SPECC1: variants seen among roughly 807,000 people sequenced by gnomAD.
SPECC1 encodes the protein sperm antigen with calponin homology and coiled-coil domains 1.
SPECC1 carries 62 observed loss-of-function variants against 104.1 expected under a neutral mutation model. That is an observed-to-expected ratio of 0.60 (90% CI 0.49 to 0.74). SPECC1 has a LOEUF of 0.74. Ranked by LOEUF, SPECC1 falls within the 30% of genes least tolerant of loss-of-function variation. The probability of loss-of-function intolerance (pLI) is 0.00; values close to 1 mark genes in which losing one functional copy is unlikely to be tolerated. For synonymous variants in SPECC1, 513 were observed against 501.6 expected, an observed-to-expected ratio of 1.02 and a Z score of -0.30; for missense variants, 1,306 against 1,310.5, an observed-to-expected ratio of 1.00 and a Z score of 0.05.
intron 1 of SPECC1, among the ~76,000 whole-genome samples, chr17:20,068,283 A>C (rs185543059): frequency 6.6e-6 from 1 of 152,310 alleles, no homozygotes; most frequent in Admixed American, 6.5e-5. Context: ...TTTGTTCAAC[A>C]TAAGGTTTTC....
At chr17:20,078,750 T>C (rs959791516) in intron 1 of SPECC1, among the ~76,000 whole-genome samples, 1 of 152,220 alleles carries the variant, frequency 6.6e-6, no homozygotes, top group Non-Finnish European at 1.5e-5. Flanking sequence ...AAATATAAGC[T>C]ATATATTTTT....
intron 4 of SPECC1, among the ~76,000 whole-genome samples, chr17:20,220,076 T>C (rs1361868958): frequency 6.6e-6 from 1 of 152,216 alleles, no homozygotes; most frequent in Admixed American, 6.5e-5. Context: ...TGGGTTACTA[T>C]GGCTCTGTAG....
intron 3 of SPECC1, chr17:20,112,657 G>GAC (rs2048550454): frequency 2.2e-6 from 2 of 928,568 alleles, no homozygotes; most frequent in African/African-American, 1.6e-5. Context: ...AGGGAGTCAA[G>GAC]ACACTCTGTT....
At chr17:20,155,716 C>CG (rs2032405829) in intron 3 of SPECC1, 1 of 180,370 alleles carries the variant, frequency 5.5e-6, no homozygotes, top group Non-Finnish European at 1.1e-5. Flanking sequence ...TTTGCCTTTC[C>CG]GGCGGCACTA....
chr17:20,217,826 A>T (rs527547103), intron 4 of SPECC1, among the ~76,000 whole-genome samples: 2 of 152,156 alleles, frequency 1.3e-5, no homozygotes, highest in South Asian at 4.2e-4. Flanking sequence ...AGATGGGAGG[A>T]TCACTTAAGC....
chr17:20,257,396 TG>T, intron 10 of SPECC1, 54 bp from the exon 11 acceptor site: 1 of 1,517,084 alleles, frequency 6.6e-7, no homozygotes, highest in East Asian at 2.3e-5. Context: ...TGAAGTATGA[TG>T]GCAGTCAAGA....
chr17:20,239,983 T>C (rs1470284888), intron 7 of SPECC1, among the ~76,000 whole-genome samples: 1 of 129,220 alleles, frequency 7.7e-6, no homozygotes, highest in African/African-American at 2.9e-5. Context: ...AGCCTCAACC[T>C]CCTGGACTTG....
chr17:20,260,148 G>A lies in SPECC1; in HGVS notation c.2838-44G>A, dbSNP rs201040175. 1.3e-4 allele frequency: 200 copies of A among 1,482,326 alleles called. 4 individuals carry two copies. The South Asian group carries it at 1.6e-3, about 12-fold the overall frequency. 91.8% of individuals were successfully genotyped at this position (1,482,326 alleles called of 1,614,324 possible). Reference sequence around the variant, plus strand: ...TTTCTTGTGTATTTGAGAATTCTAAGTATTAGCATCTTCTCCTTACCATGT... The same window carrying A: ...TTTCTTGTGTATTTGAGAATTCTAAATATTAGCATCTTCTCCTTACCATGT... On this transcript the variant is annotated intron_variant, in intron 11 of 14. Coordinates refer to ENST00000395527, the MANE Select transcript of SPECC1 (RefSeq NM_001243439.2).
intron 3 of SPECC1, among the ~76,000 whole-genome samples, chr17:20,153,769 T>C (rs773641148): frequency 6.6e-6 from 1 of 152,238 alleles, no homozygotes; most frequent in Non-Finnish European, 1.5e-5. Context: ...GTAACTGTTC[T>C]GTAGATTGAA....
chr17:20,202,192 T>A (rs1462849354), intron 3 of SPECC1, among the ~76,000 whole-genome samples: 2 of 152,162 alleles, frequency 1.3e-5, no homozygotes, highest in African/African-American at 4.8e-5. Context: ...CCTGTAACAA[T>A]TCTATAGCCA....
chr17:20,218,595 C>A (rs2037658501), intron 4 of SPECC1, among the ~76,000 whole-genome samples: 1 of 151,988 alleles, frequency 6.6e-6, no homozygotes, highest in Non-Finnish European at 1.5e-5. Flanking sequence ...CTTCTCCTGT[C>A]CTTTCCCTCC....
chr17:20,290,373 A>T (rs978105394), intron 12 of SPECC1: 1 of 149,296 alleles, frequency 6.7e-6, no homozygotes, highest in Non-Finnish European at 1.5e-5. Flanking sequence ...AGAGAGTCTC[A>T]CTCTGTCACC....
intron 3 of SPECC1, among the ~76,000 whole-genome samples, chr17:20,152,791 C>T (rs570561150): frequency 5.9e-4 from 90 of 152,302 alleles, no homozygotes; most frequent in Non-Finnish European, 1.1e-3. Flanking sequence ...CCTGCCTCAG[C>T]TGAGAAGGTG....
At position 20,110,518 on chromosome 17, in the gene SPECC1, G is replaced by C. The variant is rs1399875017; in HGVS notation, c.239G>C (p.Gly80Ala). Residue 80 changes from glycine (G) to alanine (A), a missense_variant, in exon 3 of 15, where the codon GGA becomes GCA. Physicochemically the swap from Gly to Ala is moderately conservative, Grantham distance 60. Coordinates refer to ENST00000395527, the MANE Select transcript of SPECC1 (RefSeq NM_001243439.2). Reference sequence around the variant, plus strand: ...CGCCTGAAGAAGACCGCCACTGCCGGAGCCATCTCGGAGCTCACGGAGAGC... The same window carrying C: ...CGCCTGAAGAAGACCGCCACTGCCGCAGCCATCTCGGAGCTCACGGAGAGC... ...VVRLKKTATA[G>A]AISELTESRL... 1 of 1,614,010 alleles carries C rather than the reference G, an allele frequency of 6.2e-7. No homozygotes were observed. The highest frequency in any genetic ancestry group is 1.7e-5 in the Admixed American group (1 of 60,022).
At chr17:20,289,453 C>T (rs373394282) in intron 12 of SPECC1, among the ~76,000 whole-genome samples, 2 of 152,222 alleles carry the variant, frequency 1.3e-5, no homozygotes, top group Admixed American at 1.3e-4. Flanking sequence ...AGGTGCACAC[C>T]ACCATGCCTG....
intron 3 of SPECC1, among the ~76,000 whole-genome samples, chr17:20,132,788 G>A (rs1268297664): frequency 6.6e-6 from 1 of 151,880 alleles, no homozygotes; most frequent in Non-Finnish European, 1.5e-5. Context: ...CACCCAGGCT[G>A]GAGTGCAGTG....
At chr17:20,276,231 C>T (rs1182788445) in intron 12 of SPECC1, among the ~76,000 whole-genome samples, 1 of 152,112 alleles carries the variant, frequency 6.6e-6, no homozygotes, top group Non-Finnish European at 1.5e-5. Context: ...ATCCTCTTTT[C>T]TTAGCCTCCT....
chr17:20,060,490 TA>T (rs2046145104), intron 1 of SPECC1, among the ~76,000 whole-genome samples: 1 of 151,326 alleles, frequency 6.6e-6, no homozygotes, highest in South Asian at 2.1e-4. Context: ...CTACAAAAAA[TA>T]AAAAAATTTA....
chr17:20,045,662 G>C (rs2045510002), intron 1 of SPECC1, among the ~76,000 whole-genome samples: 2 of 152,242 alleles, frequency 1.3e-5, no homozygotes, highest in Admixed American at 1.3e-4. Flanking sequence ...GTATCCCACA[G>C]AATGTCTAAG....
Sources: allele counts gnomAD v4.1 joint callset (sites outside exome capture counted in the v4.1 genomes callset), GRCh38; gene constraint gnomAD v4.1.1; transcripts MANE v1.5; gene names NCBI Gene and HGNC (gene_info 2026-07-23, HGNC 2026-07-21).